The following SMARCC1 variants were observed in gnomAD, a reference collection of about 807,000 sequenced individuals.
SMARCC1 encodes the protein SWI/SNF related BAF chromatin remodeling complex subunit C1.
Under a neutral mutation model 147.4 loss-of-function variants are expected in SMARCC1, and 43 were observed. The observed-to-expected ratio is 0.29, with a 90% confidence interval of 0.23 to 0.38. The LOEUF is 0.38. Among genes scored for constraint, SMARCC1 ranks in the 10% least tolerant of loss-of-function variants. The pLI, the probability that SMARCC1 is intolerant of heterozygous loss-of-function variation, is 1.00. For synonymous variants in SMARCC1, 495 were observed against 484.4 expected, an observed-to-expected ratio of 1.02 and a Z score of -0.29; for missense variants, 1,119 against 1,381.1, an observed-to-expected ratio of 0.81 and a Z score of 3.01.
intron 22 of SMARCC1, 93 bp from the exon 23 acceptor site, chr3:47,636,229 A>C (rs2032966859): frequency 1.5e-6 from 1 of 678,764 alleles, no homozygotes; most frequent in Non-Finnish European, 2.6e-6. Context: ...AAAGGTTCCA[A>C]TATTTTTGGC....
intron 16 of SMARCC1, among the ~76,000 whole-genome samples, 159 bp downstream of exon 16, chr3:47,678,039 G>T (rs1364762727): frequency 2.0e-5 from 3 of 151,968 alleles, no homozygotes; most frequent in African/African-American, 7.3e-5. Context: ...TAAATTGAAT[G>T]AAATGAAAGG....
chr3:47,686,794 G>A (rs931085457), intron 13 of SMARCC1, among the ~76,000 whole-genome samples: 4 of 151,990 alleles, frequency 2.6e-5, no homozygotes, highest in East Asian at 3.9e-4. Flanking sequence ...GGACCAGCCT[G>A]GGCAACATAG....
chr3:47,779,708 C>T (rs147249007), intron 1 of SMARCC1, among the ~76,000 whole-genome samples: 2 of 152,264 alleles, frequency 1.3e-5, no homozygotes, highest in African/African-American at 4.8e-5. Context: ...TGTAGTTGAT[C>T]CCAAACTGAT....
chr3:47,710,161 G>T (rs800688), intron 9 of SMARCC1, among the ~76,000 whole-genome samples: 1 of 151,822 alleles, frequency 6.6e-6, no homozygotes, highest in African/African-American at 2.4e-5. Flanking sequence ...TACTAAAAAT[G>T]CAAAAATTAG....
intron 11 of SMARCC1, among the ~76,000 whole-genome samples, chr3:47,699,667 T>C (rs1263746172): frequency 6.6e-6 from 1 of 152,178 alleles, no homozygotes; most frequent in Non-Finnish European, 1.5e-5. Context: ...TATATATCTA[T>C]GTATATACAT....
intron 16 of SMARCC1, among the ~76,000 whole-genome samples, chr3:47,677,134 T>C (rs1435858978): frequency 1.3e-5 from 2 of 152,140 alleles, no homozygotes; most frequent in Non-Finnish European, 2.9e-5. Flanking sequence ...TCTCGCTCTG[T>C]CTCTAAGGCT....
At chr3:47,695,288 C>G (rs1012047663) in intron 11 of SMARCC1, among the ~76,000 whole-genome samples, 1 of 152,080 alleles carries the variant, frequency 6.6e-6, no homozygotes, top group African/African-American at 2.4e-5. Flanking sequence ...GAGTTATGAT[C>G]GCATAGCTGT....
intron 8 of SMARCC1, among the ~76,000 whole-genome samples, chr3:47,713,384 C>T (rs957079790): frequency 2.6e-5 from 4 of 151,896 alleles, no homozygotes; most frequent in Admixed American, 2.6e-4. Flanking sequence ...AAGAAGGGTA[C>T]CAAGTAGTGC....
rs2032951887 is a variant in SMARCC1, at chr3:47,635,179, CAG to C, written c.2646+9_2646+10del. On this transcript the variant is annotated intron_variant, in intron 24 of 27. Transcript: ENST00000254480. ...TAAGAGAGCACTGGAAAAGGGCTGTCAGGGGCAAACCTTGGCTTTGGTAGCCG... is the reference window on the plus strand; with the variant it reads ...TAAGAGAGCACTGGAAAAGGGCTGTCGGGCAAACCTTGGCTTTGGTAGCCG... 1 of 1,612,714 alleles carries C rather than the reference CAG, an allele frequency of 6.2e-7. No homozygotes were observed. The highest frequency in any genetic ancestry group is 1.3e-5 in the African/African-American group (1 of 74,880).
chr3:47,740,279 T>C (rs2034495186), intron 3 of SMARCC1, among the ~76,000 whole-genome samples: 1 of 128,430 alleles, frequency 7.8e-6, no homozygotes, highest in South Asian at 2.7e-4. Context: ...TACTGCAACC[T>C]CCGCCTTCTG....
Position 47,675,457 on chromosome 3 carries a change from T to A in SMARCC1, c.1839+18A>T, listed in dbSNP as rs749793028. ...AAGATGTGCTGGATTGCAGCCCATG[T>A]GTGATTAGAAAAATTACCTTTGCTA... On this transcript the variant is annotated intron_variant, in intron 18 of 27. Coordinates refer to ENST00000254480, the MANE Select transcript of SMARCC1 (RefSeq NM_003074.4). 4.0e-6 allele frequency: 5 copies of A among 1,234,822 alleles called. No homozygotes were observed. The highest frequency in any genetic ancestry group is 6.0e-6 in the Non-Finnish European group (5 of 834,664). 76.5% of individuals were successfully genotyped at this position (1,234,822 alleles called of 1,614,324 possible).
intron 5 of SMARCC1, among the ~76,000 whole-genome samples, chr3:47,731,209 A>G (rs961437660): frequency 2.0e-5 from 3 of 152,210 alleles, no homozygotes; most frequent in Non-Finnish European, 4.4e-5. Flanking sequence ...CCAGGAGTAG[A>G]TTCCATGTCA....
intron 21 of SMARCC1, among the ~76,000 whole-genome samples, chr3:47,645,294 C>T (rs1234204287): frequency 2.7e-5 from 4 of 146,952 alleles, no homozygotes; most frequent in Non-Finnish European, 4.5e-5. Flanking sequence ...CTGTCCCCCC[C>T]ACCAAAAAAA....
chr3:47,684,098 G>A (rs2033689428), intron 14 of SMARCC1, among the ~76,000 whole-genome samples: 1 of 152,102 alleles, frequency 6.6e-6, no homozygotes. Context: ...AAATTAGCCG[G>A]GCGTAGTGGC....
At chr3:47,649,674 C>T (rs1216162285) in intron 21 of SMARCC1, among the ~76,000 whole-genome samples, 1 of 152,190 alleles carries the variant, frequency 6.6e-6, no homozygotes, top group East Asian at 1.9e-4. Context: ...AACTCAATCC[C>T]TCAAAACCTG....
In SMARCC1 at chr3:47,610,250, T is replaced by TCGTAATTCAG; in HGVS notation, c.2849_2858dup (p.Ala954Ter). 6.2e-7 allele frequency: 1 copy of TCGTAATTCAG among 1,614,220 alleles called. No individual in the cohort carries two copies. The highest frequency in any genetic ancestry group is 8.5e-7 in the Non-Finnish European group (1 of 1,180,034). On this transcript the variant is annotated stop_gained and frameshift_variant, in exon 26 of 28. Transcript: ENST00000254480. LOFTEE classifies it high-confidence loss of function. ...GCTGCTGTTCCATTTGCTGTCGTGC[T>TCGTAATTCAG]CGTAATTCAGCATACTTCAGCTGTT... is the stretch of plus-strand genomic sequence containing the variant.
At chr3:47,637,531 G>A (rs2032986515) in intron 22 of SMARCC1, among the ~76,000 whole-genome samples, 1 of 152,136 alleles carries the variant, frequency 6.6e-6, no homozygotes, top group African/African-American at 2.4e-5. Flanking sequence ...GGCCAACATA[G>A]TGAAACCACG....
chr3:47,625,172 G>C (rs1346053736), intron 24 of SMARCC1, among the ~76,000 whole-genome samples: 3 of 149,296 alleles, frequency 2.0e-5, no homozygotes, highest in Non-Finnish European at 4.4e-5. Context: ...TTTAAAGACA[G>C]AGTCTGGGCC....
At chr3:47,630,543 CAACG>C (rs1211781260) in intron 24 of SMARCC1, among the ~76,000 whole-genome samples, 1 of 152,134 alleles carries the variant, frequency 6.6e-6, no homozygotes. Flanking sequence ...GCATGAATTC[CAACG>C]AGTAGAACAG....
Sources: allele counts gnomAD v4.1 joint callset (sites outside exome capture counted in the v4.1 genomes callset), GRCh38; gene constraint gnomAD v4.1.1; transcripts MANE v1.5; gene names NCBI Gene and HGNC (gene_info 2026-07-23, HGNC 2026-07-21).